MAN1A1: variants seen among roughly 807,000 people sequenced by gnomAD.
MAN1A1 encodes mannosidase alpha class 1A member 1.
A neutral mutation model predicts 70.8 loss-of-function variants in MAN1A1; 29 were observed. The observed-to-expected ratio is 0.41, with a 90% CI of 0.31 to 0.56. The LOEUF (loss-of-function observed/expected upper bound fraction) is 0.56, where lower values mean the gene tolerates loss of function less well. MAN1A1 is among the 20% of genes least tolerant of loss of function. MAN1A1 has a pLI of 0.29. For missense variants in MAN1A1, 747 were observed against 841.3 expected, an observed-to-expected ratio of 0.89 and a Z score of 1.39; for synonymous variants, 349 against 330.1, an observed-to-expected ratio of 1.06 and a Z score of -0.62.
intron 5 of MAN1A1, among the ~76,000 whole-genome samples, chr6:119,289,173 T>G (rs1776464694): frequency 6.6e-6 from 1 of 151,892 alleles, no homozygotes; most frequent in African/African-American, 2.4e-5. Context: ...ATGATGTATA[T>G]TTAGAATAGA....
chr6:119,264,804 A>G (rs1178510338), intron 5 of MAN1A1, among the ~76,000 whole-genome samples: 1 of 152,238 alleles, frequency 6.6e-6, no homozygotes, highest in Non-Finnish European at 1.5e-5. Flanking sequence ...ATACAATAGT[A>G]TCCAGTTTTA....
At chr6:119,349,810 G>C, upstream of MAN1A1, 1 of 950,178 alleles carries the variant, frequency 1.1e-6, no homozygotes, top group Non-Finnish European at 1.3e-6. Context: ...AGGCGACGCG[G>C]CCGGAGAGTG....
intron 2 of MAN1A1, among the ~76,000 whole-genome samples, chr6:119,322,423 T>A (rs1348788525): frequency 2.0e-5 from 3 of 152,206 alleles, no homozygotes; most frequent in African/African-American, 7.2e-5. Flanking sequence ...CTCCGTTCTA[T>A]TCGCAGAACT....
chr6:119,204,353 C>T (rs1048849825), intron 7 of MAN1A1, among the ~76,000 whole-genome samples: 8 of 152,172 alleles, frequency 5.3e-5, no homozygotes, highest in African/African-American at 1.9e-4. Flanking sequence ...ATGAATTTAT[C>T]CAAATATTTG....
At chr6:119,196,642 A>C (rs1773576410) in intron 8 of MAN1A1, among the ~76,000 whole-genome samples, 1 of 152,206 alleles carries the variant, frequency 6.6e-6, no homozygotes, top group African/African-American at 2.4e-5. Context: ...AGGTCCCATA[A>C]AAGGATTTCT....
intron 5 of MAN1A1, among the ~76,000 whole-genome samples, chr6:119,272,834 T>A (rs1775961698): frequency 6.6e-6 from 1 of 152,208 alleles, no homozygotes; most frequent in Non-Finnish European, 1.5e-5. Context: ...AGTAGTTGGA[T>A]CTGAGACTGT....
At chr6:119,302,622 C>T (rs1772421477) in intron 3 of MAN1A1, among the ~76,000 whole-genome samples, 1 of 152,008 alleles carries the variant, frequency 6.6e-6, no homozygotes, top group Non-Finnish European at 1.5e-5. Flanking sequence ...CCTCATAATC[C>T]ACCCACCTAG....
intron 5 of MAN1A1, among the ~76,000 whole-genome samples, chr6:119,281,650 G>A (rs896253367): frequency 6.6e-6 from 1 of 152,188 alleles, no homozygotes; most frequent in African/African-American, 2.4e-5. Context: ...GAGATTTCAG[G>A]CTGTTGCTGA....
At chr6:119,284,092 C>G (rs899658062) in intron 5 of MAN1A1, among the ~76,000 whole-genome samples, 2 of 152,106 alleles carry the variant, frequency 1.3e-5, no homozygotes, top group African/African-American at 4.8e-5. Context: ...CATTTAATCA[C>G]TAAAATGTAA....
At chr6:119,221,060 C>A (rs2114257434) in intron 6 of MAN1A1, among the ~76,000 whole-genome samples, 1 of 151,044 alleles carries the variant, frequency 6.6e-6, no homozygotes, top group Admixed American at 6.6e-5. Flanking sequence ...GAAGCAAATT[C>A]TAAATGTATT....
At chr6:119,271,851 T>A (rs999523818) in intron 5 of MAN1A1, among the ~76,000 whole-genome samples, 3 of 152,118 alleles carry the variant, frequency 2.0e-5, no homozygotes, top group African/African-American at 7.2e-5. Context: ...AATTTGGTGA[T>A]TTCCCTTAGA....
chr6:119,227,920 T>C (rs1582714447), intron 6 of MAN1A1, among the ~76,000 whole-genome samples: 2 of 152,208 alleles, frequency 1.3e-5, no homozygotes, highest in South Asian at 4.1e-4. Context: ...TCACTAAAAT[T>C]TTAAGAGAAT....
At chr6:119,189,624 T>C in intron 10 of MAN1A1, 40 bp downstream of exon 10, 1 of 1,584,148 alleles carries the variant, frequency 6.3e-7, no homozygotes, top group Non-Finnish European at 8.7e-7. Flanking sequence ...AATCAAAGCA[T>C]GTGGGAATAG....
chr6:119,349,860 G>C, upstream of MAN1A1: 2 of 616,380 alleles, frequency 3.2e-6, no homozygotes. Flanking sequence ...CCAGGGTCCC[G>C]CGGGGGCGGG....
chr6:119,210,560 A>C (rs920526860), intron 6 of MAN1A1, among the ~76,000 whole-genome samples: 2 of 152,232 alleles, frequency 1.3e-5, no homozygotes, highest in African/African-American at 4.8e-5. Flanking sequence ...ATTATTTAAA[A>C]AAATTTTCCA....
At chr6:119,244,449 G>T (rs1205822812) in intron 6 of MAN1A1, among the ~76,000 whole-genome samples, 1 of 152,074 alleles carries the variant, frequency 6.6e-6, no homozygotes, top group Non-Finnish European at 1.5e-5. Context: ...GTTATTAAAT[G>T]AGTACTTTCC....
At chr6:119,237,014 T>C (rs1582723577) in intron 6 of MAN1A1, among the ~76,000 whole-genome samples, 1 of 152,254 alleles carries the variant, frequency 6.6e-6, no homozygotes, top group East Asian at 1.9e-4. Context: ...GCAGATGTGG[T>C]AAAATAGCAA....
intron 12 of MAN1A1, 80 bp from the exon 13 acceptor site, chr6:119,180,025 T>C: frequency 1.4e-6 from 2 of 1,401,310 alleles, no homozygotes; most frequent in South Asian, 1.2e-5. Context: ...AAAAACCACA[T>C]CAATGTCTGC....
At chr6:119,274,685 C>CAA (rs1288177802) in intron 5 of MAN1A1, among the ~76,000 whole-genome samples, 1 of 152,054 alleles carries the variant, frequency 6.6e-6, no homozygotes, top group East Asian at 1.9e-4. Context: ...AATGTCACAC[C>CAA]AAAATATATA....
Sources: gnomAD v4.1 joint callset for allele counts (sites outside exome capture counted in the v4.1 genomes callset) on GRCh38, gnomAD v4.1.1 for gene constraint, MANE v1.5 for transcripts, NCBI Gene and HGNC (gene_info 2026-07-23, HGNC 2026-07-21) for gene names.